Variants in DCDC2C observed in about 807,000 individuals in gnomAD.
DCDC2C encodes doublecortin domain containing 2C, also known as doublecortin domain-containing protein 2C.
A neutral mutation model predicts 45.0 loss-of-function variants in DCDC2C; 44 were observed. That is an observed-to-expected ratio of 0.98 (90% confidence interval 0.77 to 1.26). The LOEUF is 1.26. Among genes scored for constraint, DCDC2C ranks in the 50% most tolerant of loss-of-function variants. DCDC2C has a pLI of 0.00. For synonymous variants in DCDC2C, 187 were observed against 178.8 expected (o/e 1.05, Z -0.37); for missense variants, 447 against 468.9 (o/e 0.95, Z 0.43).
intron 3 of DCDC2C, among the ~76,000 whole-genome samples, chr2:3,729,874 G>A (rs779886482): frequency 1.3e-5 from 2 of 152,124 alleles, no homozygotes; most frequent in Non-Finnish European, 2.9e-5. Flanking sequence ...GCTGCTGGAC[G>A]CATGCTAGAG....
intron 3 of DCDC2C, among the ~76,000 whole-genome samples, chr2:3,741,239 G>T (rs1333539346): frequency 6.6e-6 from 1 of 152,168 alleles, no homozygotes; most frequent in Non-Finnish European, 1.5e-5. Flanking sequence ...TCAAAGGAAT[G>T]CATGTTATTT....
chr2:3,725,802 GAGAGTGATAAGGCTGCTCGGTGGATCCC>G, intron 2 of DCDC2C: 1 of 197,292 alleles, frequency 5.1e-6, no homozygotes, highest in Non-Finnish European at 1.0e-5. Flanking sequence ...GAGATGAGTA[GAGAGTGATAAGGCTGCTCGGTGGATCCC>G]AGAGGGAGAT....
chr2:3,703,607 C>A lies in DCDC2C; in HGVS notation c.-145C>A, dbSNP rs1252206017. 12 of 785,568 alleles carry A rather than the reference C, an allele frequency of 1.5e-5. No homozygotes were observed. The highest frequency in any genetic ancestry group is 4.4e-4 in the Middle Eastern group (1 of 2,284). The allele number at this position is 785,568 out of a possible 1,614,324, so 48.7% of individuals were successfully genotyped here. A position where few individuals can be genotyped will look rare whatever the true frequency, so the allele number is the denominator to read the frequency against. On this transcript the variant is annotated 5_prime_UTR_variant, in exon 1 of 11. Transcript: ENST00000399143. The surrounding 1 kb of genome is among the most constrained non-coding windows in gnomAD (Gnocchi z 4.4). ...TCCCGTCCCCGTCCAGCCCCCGTCC[C>A]GTCCCCGTCCCGTCCCCGTCCTGCG... is the stretch of plus-strand genomic sequence containing the variant.
chr2:3,771,865 A>C (rs371781951), intron 8 of DCDC2C, among the ~76,000 whole-genome samples: 3 of 152,338 alleles, frequency 2.0e-5, no homozygotes, highest in East Asian at 3.9e-4. Flanking sequence ...GGACACAGGG[A>C]AGGTGCGTAT....
chr2:3,774,454 C>T (rs886949792), intron 8 of DCDC2C, among the ~76,000 whole-genome samples: 8 of 152,238 alleles, frequency 5.3e-5, no homozygotes, highest in Non-Finnish European at 1.0e-4. Flanking sequence ...TCCACTGCCT[C>T]CCTCCAAGCC....
At position 3,778,757 on chromosome 2, in the gene DCDC2C, A is replaced by AT. The variant is rs1670424908; in HGVS notation, c.955-53dup. 5.9e-6 allele frequency: 9 copies of AT among 1,515,028 alleles called. No individual in the cohort carries two copies. The South Asian group carries it at 1.1e-4, about 18-fold the overall frequency. The allele number at this position is 1,515,028 out of a possible 1,614,324, so 93.8% of individuals were successfully genotyped here. A position where few individuals can be genotyped will look rare whatever the true frequency, so the allele number is the denominator to read the frequency against. ...GTCGCACTATTTCACGTGCTCTCTG[A>AT]TTTTTTAAAAGGAGTTCCACATAAG... On this transcript the variant is annotated intron_variant, in intron 8 of 10. Coordinates refer to ENST00000399143, the MANE Select transcript of DCDC2C (RefSeq NM_001287444.2).
chr2:3,703,767 C>T lies in DCDC2C; in HGVS notation c.16C>T (p.Pro6Ser). MGTRG[P>S]SAPVDTTPAK... Reference sequence around the variant, plus strand: ...GGGCGCGGCTATGGGAACCCGCGGGCCCTCCGCGCCGGTGGACACCACGCC... The same window carrying T: ...GGGCGCGGCTATGGGAACCCGCGGGTCCTCCGCGCCGGTGGACACCACGCC... Residue 6 changes from proline (P) to serine (S), a missense_variant, in exon 1 of 11, where the codon CCC becomes TCC. Pro to Ser is a moderately conservative substitution (Grantham distance 74). Coordinates refer to ENST00000399143, the MANE Select transcript of DCDC2C (RefSeq NM_001287444.2). The surrounding 1 kb of genome is among the most constrained non-coding windows in gnomAD (Gnocchi z 4.4). The T allele has an allele frequency of 8.1e-7, 1 of 1,233,876 alleles. No individual in the cohort carries two copies. Among genetic ancestry groups the T allele is most frequent in the African/African-American group, 1.6e-5 (1 of 64,438 alleles). 76.4% of individuals were successfully genotyped at this position (1,233,876 alleles called of 1,614,324 possible).
intron 9 of DCDC2C, among the ~76,000 whole-genome samples, chr2:3,783,029 C>T (rs557735974): frequency 2.6e-4 from 40 of 152,196 alleles, no homozygotes; most frequent in Non-Finnish European, 3.2e-4. Flanking sequence ...GAAGTATCTC[C>T]GTGCGGTCTG....
At chr2:3,721,288 T>C (rs1668493039) in intron 2 of DCDC2C, among the ~76,000 whole-genome samples, 1 of 151,992 alleles carries the variant, frequency 6.6e-6, no homozygotes, top group Non-Finnish European at 1.5e-5. Context: ...GGCATGTGTC[T>C]CTTTGGGGAA....
Position 3,738,539 on chromosome 2 carries a change from G to GAAAA in DCDC2C, c.417-3381_417-3380insAAAA, listed in dbSNP as rs752819998. The stretch of plus-strand genomic sequence containing the variant: ...TACATTTTTTCTGCTGGTCTATCTG[G>GAAAA]GAAAAAAAAAAAAAAAAAAAAAAAA... On this transcript the variant is annotated intron_variant, in intron 3 of 10. Coordinates refer to ENST00000399143, the MANE Select transcript of DCDC2C (RefSeq NM_001287444.2). Among the ~76,000 whole-genome samples the GAAAA allele has an allele frequency of 7.0e-3, 387 of 55,222 alleles. 119 individuals are homozygous for GAAAA. The highest frequency in any genetic ancestry group is 9.8e-3 in the South Asian group (12 of 1,226). 36.2% of individuals were successfully genotyped at this position (55,222 alleles called of 152,430 possible). A position where few individuals can be genotyped will look rare whatever the true frequency, so the allele number is the denominator to read the frequency against.
At chr2:3,808,235 G>C (rs1671303321) in intron 10 of DCDC2C, among the ~76,000 whole-genome samples, 1 of 152,128 alleles carries the variant, frequency 6.6e-6, no homozygotes, top group Non-Finnish European at 1.5e-5. Context: ...AATTTGTCTT[G>C]GAGTTGTATT....
Position 3,798,884 on chromosome 2 carries a change from A to G in DCDC2C, c.1065+13784A>G, listed in dbSNP as rs547953496. 6.8e-3 allele frequency among the ~76,000 whole-genome samples: 1,033 copies of G among 151,866 alleles called. 3 individuals are homozygous for G. Among genetic ancestry groups the G allele is most frequent in the African/African-American group, 0.024 (977 of 41,418 alleles). On this transcript the variant is annotated intron_variant, in intron 10 of 10. Transcript: ENST00000399143. ...TCTTCTTGAGGAGTATCTTTGTGGC[A>G]TTCTCTGTATTTCCTGAATCTGAAT... is the stretch of plus-strand genomic sequence containing the variant.
In DCDC2C at chr2:3,847,228, A is replaced by G. The variant is rs969549189; in HGVS notation, c.*45A>G. 9 of 1,202,212 alleles carry G rather than the reference A, an allele frequency of 7.5e-6. No individual in the cohort carries two copies. Among genetic ancestry groups the G allele is most frequent in the African/African-American group, 3.1e-5 (2 of 63,778 alleles). The allele number at this position is 1,202,212 out of a possible 1,614,324, so 74.5% of individuals were successfully genotyped here. On this transcript the variant is annotated 3_prime_UTR_variant, in exon 11 of 11. Coordinates refer to ENST00000399143, the MANE Select transcript of DCDC2C (RefSeq NM_001287444.2). ...ACCTGAAGTCCACTTTTCTTCAACC[A>G]TGGGGCTTCCACGTCACATATGGAC...
At chr2:3,841,628 T>C (rs568177516) in intron 10 of DCDC2C, among the ~76,000 whole-genome samples, 3 of 152,310 alleles carry the variant, frequency 2.0e-5, no homozygotes, top group South Asian at 4.1e-4. Flanking sequence ...GAAACAAAGA[T>C]GAGTAAACGC....
At chr2:3,714,401 A>G (rs13016662) in intron 2 of DCDC2C, among the ~76,000 whole-genome samples, 34,869 of 151,974 alleles carry the variant, frequency 0.23, 4,389 homozygotes, top group Non-Finnish European at 0.3. Context: ...GACTTCTATT[A>G]TAGTACAACA....
intron 3 of DCDC2C, among the ~76,000 whole-genome samples, chr2:3,738,959 ACAC>A (rs1451686338): frequency 6.6e-6 from 1 of 152,210 alleles, no homozygotes. Context: ...ACCCTGAACA[ACAC>A]GGACCCCAAA....
chr2:3,740,935 C>T (rs1206097781), intron 3 of DCDC2C, among the ~76,000 whole-genome samples: 3 of 152,106 alleles, frequency 2.0e-5, no homozygotes, highest in African/African-American at 7.2e-5. Context: ...ACCAGAATTG[C>T]AAAGTTGAGC....
intron 8 of DCDC2C, 100 bp downstream of exon 8, chr2:3,769,511 C>G: frequency 9.5e-7 from 1 of 1,057,968 alleles, no homozygotes; most frequent in South Asian, 1.4e-5. Context: ...CAAATTCTCT[C>G]TGGACTCTAG....
intron 10 of DCDC2C, among the ~76,000 whole-genome samples, chr2:3,816,231 C>T (rs35417117): frequency 0.24 from 37,177 of 151,838 alleles, 4,834 homozygotes; most frequent in Middle Eastern, 0.38. Context: ...ACACAAAGTC[C>T]GAATAAGAGA....
Sources: gnomAD v4.1 joint callset for allele counts (sites outside exome capture counted in the v4.1 genomes callset) on GRCh38, gnomAD v4.1.1 for gene constraint, Gnocchi (gnomAD v3.1) non-coding constraint, MANE v1.5 for transcripts, NCBI Gene and HGNC (gene_info 2026-07-23, HGNC 2026-07-21) for gene names.